The following CCSER1 variants were observed in gnomAD, a reference collection of about 807,000 sequenced individuals.
CCSER1 encodes serine-rich coiled-coil domain-containing protein 1.
A neutral mutation model predicts 82.0 loss-of-function variants in CCSER1; 41 were observed. That is an observed-to-expected ratio of 0.50 (90% CI 0.39 to 0.65). The LOEUF is 0.65. CCSER1 is among the 30% of genes least tolerant of loss of function. CCSER1 has a pLI of 0.00. For missense variants in CCSER1, 1,119 were observed against 1,064.2 expected (o/e 1.05, Z -0.72); for synonymous variants, 414 against 383.9 (o/e 1.08, Z -0.92).
At chr4:91,141,113 C>T (rs1035559947) in intron 10 of CCSER1, among the ~76,000 whole-genome samples, 1 of 151,220 alleles carries the variant, frequency 6.6e-6, no homozygotes, top group Non-Finnish European at 1.5e-5. Flanking sequence ...ATAATGGCCT[C>T]CAGCTCCATC....
chr4:90,143,217 G>T (rs1725132655), intron 1 of CCSER1, among the ~76,000 whole-genome samples: 2 of 151,902 alleles, frequency 1.3e-5, no homozygotes, highest in African/African-American at 4.8e-5. Context: ...TCTTCCCTCT[G>T]CCTGGAATGG....
chr4:90,145,507 T>C (rs935264432), intron 1 of CCSER1, among the ~76,000 whole-genome samples: 3 of 152,280 alleles, frequency 2.0e-5, no homozygotes, highest in Non-Finnish European at 2.9e-5. Flanking sequence ...AGGCTTGGGC[T>C]GACTCACCGT....
intron 3 of CCSER1, among the ~76,000 whole-genome samples, chr4:90,390,758 A>T (rs1750864285): frequency 6.6e-6 from 1 of 152,118 alleles, no homozygotes; most frequent in Non-Finnish European, 1.5e-5. Context: ...ACAAGTGTAT[A>T]TATCTTTTTG....
intron 6 of CCSER1, among the ~76,000 whole-genome samples, chr4:90,692,764 C>T (rs181698093): frequency 3.7e-4 from 56 of 151,866 alleles, no homozygotes; most frequent in African/African-American, 1.2e-3. Flanking sequence ...CCATAAATTA[C>T]AATATTATTT....
intron 1 of CCSER1, among the ~76,000 whole-genome samples, chr4:90,206,985 A>G (rs1738972595): frequency 6.6e-6 from 1 of 152,012 alleles, no homozygotes; most frequent in African/African-American, 2.4e-5. Flanking sequence ...GTTTTATCAG[A>G]GACGAGGATT....
At chr4:91,055,720 A>G (rs1443336850) in intron 9 of CCSER1, among the ~76,000 whole-genome samples, 1 of 151,084 alleles carries the variant, frequency 6.6e-6, no homozygotes, top group Non-Finnish European at 1.5e-5. Context: ...TTCTTTGAAT[A>G]TTCTCTTTTC....
chr4:90,328,129 C>G (rs1429905178), intron 3 of CCSER1, among the ~76,000 whole-genome samples: 1 of 152,034 alleles, frequency 6.6e-6, no homozygotes, highest in Admixed American at 6.6e-5. Context: ...ATTCCAAACA[C>G]AAAGGCTGGG....
At chr4:91,559,752 G>A (rs2110248926) in intron 10 of CCSER1, among the ~76,000 whole-genome samples, 1 of 150,970 alleles carries the variant, frequency 6.6e-6, no homozygotes, top group South Asian at 2.1e-4. Context: ...TGCTTTATAA[G>A]TCATTATTAG....
intron 1 of CCSER1, among the ~76,000 whole-genome samples, chr4:90,218,617 T>A (rs1239140317): frequency 6.6e-6 from 1 of 152,214 alleles, no homozygotes; most frequent in Non-Finnish European, 1.5e-5. Context: ...TGATAACTTT[T>A]CAGGGTCTTA....
At chr4:90,905,140 T>TTTTG (rs1725266782) in intron 8 of CCSER1, among the ~76,000 whole-genome samples, 1 of 152,240 alleles carries the variant, frequency 6.6e-6, no homozygotes, top group East Asian at 1.9e-4. Context: ...AAGCATTTCC[T>TTTTG]CTAGACAATT....
At chr4:91,225,037 A>C (rs1422573233) in intron 10 of CCSER1, among the ~76,000 whole-genome samples, 1 of 150,284 alleles carries the variant, frequency 6.7e-6, no homozygotes, top group Admixed American at 6.7e-5. Flanking sequence ...AACATATATA[A>C]AATTTCATAA....
intron 9 of CCSER1, among the ~76,000 whole-genome samples, chr4:91,007,518 G>GT (rs1738617753): frequency 6.6e-6 from 1 of 152,014 alleles, no homozygotes; most frequent in South Asian, 2.1e-4. Flanking sequence ...CCGGTAGCTT[G>GT]TATGTGTCCA....
chr4:91,319,255 A>G (rs1371420281), intron 10 of CCSER1: 1 of 187,406 alleles, frequency 5.3e-6, no homozygotes, highest in African/African-American at 2.4e-5. Flanking sequence ...CTCAAAATGT[A>G]TCATTATTCT....
At chr4:90,958,617 C>T (rs980940566) in intron 9 of CCSER1, among the ~76,000 whole-genome samples, 4 of 151,986 alleles carry the variant, frequency 2.6e-5, no homozygotes, top group Non-Finnish European at 5.9e-5. Flanking sequence ...CTTGTAGTCT[C>T]GTGTCCCTCC....
intron 1 of CCSER1, among the ~76,000 whole-genome samples, chr4:90,260,561 A>G (rs1480195355): frequency 6.6e-6 from 1 of 152,138 alleles, no homozygotes; most frequent in Admixed American, 6.5e-5. Flanking sequence ...TTTGTCTGAC[A>G]TAAGAATAGC....
At chr4:91,021,531 C>A (rs1739964312) in intron 9 of CCSER1, among the ~76,000 whole-genome samples, 1 of 152,022 alleles carries the variant, frequency 6.6e-6, no homozygotes, top group Non-Finnish European at 1.5e-5. Flanking sequence ...TTTTATAAAA[C>A]AAGATGAGTC....
chr4:90,228,035 G>C (rs1006904067), intron 1 of CCSER1, among the ~76,000 whole-genome samples: 3 of 152,212 alleles, frequency 2.0e-5, no homozygotes, highest in Admixed American at 6.5e-5. Context: ...AGGTGGCAGC[G>C]AGGCTTGGGG....
chr4:90,865,172 C>T (rs898866341), intron 8 of CCSER1, among the ~76,000 whole-genome samples: 49 of 151,940 alleles, frequency 3.2e-4, no homozygotes, highest in African/African-American at 8.5e-4. Flanking sequence ...AATTGTAATA[C>T]GGCTTGCTCA....
At chr4:90,220,146 TTTTG>T (rs1204574697) in intron 1 of CCSER1, among the ~76,000 whole-genome samples, 2 of 152,094 alleles carry the variant, frequency 1.3e-5, no homozygotes, top group Non-Finnish European at 2.9e-5. Context: ...TTTTAGTTAT[TTTTG>T]TTAATCTTTC....
Sources: allele counts gnomAD v4.1 joint callset (sites outside exome capture counted in the v4.1 genomes callset), GRCh38; gene constraint gnomAD v4.1.1; transcripts MANE v1.5; gene names NCBI Gene and HGNC (gene_info 2026-07-23, HGNC 2026-07-21).